Variants in KLRG1 observed in about 807,000 individuals in gnomAD.
The protein encoded by KLRG1 is killer cell lectin-like receptor subfamily G member 1.
KLRG1 carries 16 observed loss-of-function variants against 21.8 expected under a neutral mutation model. The observed-to-expected ratio is 0.73, with a 90% CI of 0.50 to 1.11. The LOEUF (loss-of-function observed/expected upper bound fraction) is 1.11. Among genes scored for constraint, KLRG1 ranks in the 50% most tolerant of loss-of-function variants. The pLI, the probability that KLRG1 is intolerant of heterozygous loss-of-function variation, is 0.00. For synonymous variants in KLRG1, 69 were observed against 75.9 expected (o/e 0.91, Z 0.47); for missense variants, 173 against 218.3 (o/e 0.79, Z 1.31).
chr12:9,157,291 G>A, the KLRG1 span: 1 of 1,614,102 alleles, frequency 6.2e-7, no homozygotes, highest in South Asian at 1.1e-5. Context: ...GCTCCCATGG[G>A]TCCCCTCCTT....
At chr12:9,011,992 C>T (rs180975212), downstream of KLRG1, among the ~76,000 whole-genome samples, 18 of 152,352 alleles carry the variant, frequency 1.2e-4, no homozygotes, top group African/African-American at 4.1e-4. Flanking sequence ...CTAGTCCCAC[C>T]ACTGCGGCTA....
the KLRG1 span, chr12:9,149,418 G>A: frequency 1.6e-5 from 12 of 743,022 alleles, no homozygotes; most frequent in South Asian, 1.2e-4. Flanking sequence ...GGCATGCTAC[G>A]CCACAGTTTT....
the KLRG1 span, among the ~76,000 whole-genome samples, chr12:9,093,891 TCAAACAAA>T: frequency 1.0e-3 from 152 of 151,020 alleles, no homozygotes; most frequent in African/African-American, 3.3e-3. Flanking sequence ...AGACTTCGTC[TCAAACAAA>T]CAAACAAACA....
the KLRG1 span, among the ~76,000 whole-genome samples, chr12:9,075,921 T>G: frequency 6.6e-6 from 1 of 152,218 alleles, no homozygotes; most frequent in East Asian, 1.9e-4. Context: ...GTATATCTAT[T>G]ATAAAATATT....
chr12:9,077,803 G>A, the KLRG1 span: 14 of 1,614,034 alleles, frequency 8.7e-6, no homozygotes, highest in Middle Eastern at 1.6e-4. Flanking sequence ...GTGCTTCATC[G>A]ATGAAGATGT....
At chr12:9,209,491 AC>A in the KLRG1 span, among the ~76,000 whole-genome samples, 3 of 152,042 alleles carry the variant, frequency 2.0e-5, no homozygotes, top group African/African-American at 4.8e-5. Context: ...CCTTACATGC[AC>A]CCAACTTTAA....
chr12:9,028,148 T>TA, the KLRG1 span: 22 of 555,114 alleles, frequency 4.0e-5, no homozygotes, highest in Non-Finnish European at 5.7e-5. Flanking sequence ...GTCGTCTTCT[T>TA]CTTTTTTTTT....
chr12:9,098,832 TTCC>T, the KLRG1 span: 7 of 1,516,724 alleles, frequency 4.6e-6, no homozygotes, highest in Admixed American at 1.1e-4. Context: ...TTGCAGAGTG[TTCC>T]TCATGTACAA....
the KLRG1 span, chr12:9,067,828 C>T: frequency 6.2e-7 from 1 of 1,612,644 alleles, no homozygotes; most frequent in East Asian, 2.2e-5. Flanking sequence ...GGTCTTCAAG[C>T]ATTTCCAAGA....
At chr12:9,132,547 C>G in the KLRG1 span, among the ~76,000 whole-genome samples, 1 of 152,144 alleles carries the variant, frequency 6.6e-6, no homozygotes, top group Non-Finnish European at 1.5e-5. Context: ...CATGATTACT[C>G]TGGCATGAAT....
intron 2 of KLRG1, among the ~76,000 whole-genome samples, chr12:8,992,995 T>C (rs1020914875): frequency 6.6e-6 from 1 of 152,012 alleles, no homozygotes; most frequent in African/African-American, 2.4e-5. Context: ...CTTACTGCCA[T>C]ATTTATTGGG....
chr12:8,980,763 C>A (rs780868435), intron 1 of KLRG1, among the ~76,000 whole-genome samples: 1 of 152,126 alleles, frequency 6.6e-6, no homozygotes, highest in Non-Finnish European at 1.5e-5. Flanking sequence ...CTGGGCAGCT[C>A]CATCGGCTGG....
the KLRG1 span, among the ~76,000 whole-genome samples, chr12:9,182,581 A>G: frequency 9.9e-5 from 15 of 152,216 alleles, no homozygotes. Context: ...GAACTTCCTA[A>G]AAGAATATTT....
chr12:8,979,293 C>T (rs1009984601), intron 1 of KLRG1, among the ~76,000 whole-genome samples: 1 of 152,290 alleles, frequency 6.6e-6, no homozygotes, highest in South Asian at 2.1e-4. Flanking sequence ...GCTGGGATTA[C>T]AGGTGTGAGA....
the KLRG1 span, among the ~76,000 whole-genome samples, chr12:9,178,113 A>T: frequency 7.9e-5 from 12 of 152,344 alleles, no homozygotes; most frequent in East Asian, 2.1e-3. Context: ...AATTTTGATT[A>T]TAGCAATCCC....
chr12:9,211,912 G>A, the KLRG1 span, among the ~76,000 whole-genome samples: 3 of 152,168 alleles, frequency 2.0e-5, no homozygotes, highest in Non-Finnish European at 4.4e-5. Flanking sequence ...CTTAGATTCT[G>A]TCTGTTCCCT....
At chr12:9,028,908 T>C in the KLRG1 span, 1 of 636,936 alleles carries the variant, frequency 1.6e-6, no homozygotes, top group Admixed American at 1.8e-5. Context: ...TAGTGGCATA[T>C]GTGACAAACC....
the KLRG1 span, chr12:9,166,984 G>C: frequency 6.6e-6 from 1 of 152,122 alleles, no homozygotes; most frequent in Non-Finnish European, 1.5e-5. Flanking sequence ...TACTTACAAG[G>C]AAAAATATAT....
the KLRG1 span, among the ~76,000 whole-genome samples, chr12:9,061,161 T>C: frequency 6.6e-6 from 1 of 152,196 alleles, no homozygotes; most frequent in South Asian, 2.1e-4. Flanking sequence ...TTGCCCACAC[T>C]GGTTTTGAAT....
Sources: gnomAD v4.1 joint callset for allele counts (sites outside exome capture counted in the v4.1 genomes callset) on GRCh38, gnomAD v4.1.1 for gene constraint, MANE v1.5 for transcripts, NCBI Gene and HGNC (gene_info 2026-07-23, HGNC 2026-07-21) for gene names.